OSER1: variants seen among roughly 807,000 people sequenced by gnomAD.
The protein encoded by OSER1 is oxidative stress responsive serine rich 1.
In OSER1, 15 loss-of-function variants were observed where a neutral mutation model predicts 26.3. The ratio of observed to expected loss-of-function variants is 0.57; its 90% CI spans 0.38 to 0.88. The LOEUF (loss-of-function observed/expected upper bound fraction) is 0.88, where lower values mean the gene tolerates loss of function less well. Among genes scored for constraint, OSER1 ranks in the 40% least tolerant of loss-of-function variants. OSER1 has a pLI of 0.00. For missense variants in OSER1, 313 were observed against 353.9 expected, an observed-to-expected ratio of 0.88 and a Z score of 0.93; for synonymous variants, 127 against 128.2, an observed-to-expected ratio of 0.99 and a Z score of 0.07.
At chr20:44,209,032 G>GT (rs1236793210) in intron 1 of OSER1, among the ~76,000 whole-genome samples, 33 of 152,288 alleles carry the variant, frequency 2.2e-4, no homozygotes, top group African/African-American at 7.9e-4. Flanking sequence ...CTCCATTTCC[G>GT]TAAGGACTAG....
At chr20:44,210,053 G>T (rs935194570) in intron 1 of OSER1, 4 of 152,298 alleles carry the variant, frequency 2.6e-5, no homozygotes, top group African/African-American at 9.6e-5. Flanking sequence ...TCGCAGCGCT[G>T]CAGCCAAAGC....
chr20:44,209,266 G>A (rs2073071997), intron 1 of OSER1, among the ~76,000 whole-genome samples: 1 of 152,156 alleles, frequency 6.6e-6, no homozygotes, highest in African/African-American at 2.4e-5. Flanking sequence ...TAAAACTTCA[G>A]GAATGAAGTT....
upstream of OSER1, chr20:44,211,042 G>T (rs1182012961): frequency 6.6e-6 from 1 of 152,398 alleles, no homozygotes; most frequent in African/African-American, 2.4e-5. Context: ...CTCCCGACCC[G>T]CTTTTGGGGC....
At chr20:44,202,778 T>C (rs544176814) in intron 3 of OSER1, among the ~76,000 whole-genome samples, 183 bp downstream of exon 3, 10 of 152,272 alleles carry the variant, frequency 6.6e-5, no homozygotes, top group South Asian at 2.1e-4. Context: ...TTTGTAAAAA[T>C]TGACTATGGA....
rs1424078255 is a variant in OSER1 at position 44,196,846 on chromosome 20, CT to C, written c.*205del. The C allele has an allele frequency of 5.9e-6, 3 of 508,536 alleles. No homozygotes were observed. The highest frequency in any genetic ancestry group is 6.7e-5 in the Admixed American group (2 of 29,882). 31.5% of individuals were successfully genotyped at this position (508,536 alleles called of 1,614,324 possible). ...TAAATAAGGGGGATTTTTCTTTGAT[CT>C]GCTCGCCTTGAAGTGTATGTAAGAA... On this transcript the variant is annotated 3_prime_UTR_variant, in exon 4 of 4. Transcript: ENST00000255174.
At chr20:44,202,473 T>A (rs1297216232) in intron 3 of OSER1, among the ~76,000 whole-genome samples, 1 of 152,080 alleles carries the variant, frequency 6.6e-6, no homozygotes, top group African/African-American at 2.4e-5. Flanking sequence ...ATTAAGAATG[T>A]CACTACATAA....
intron 3 of OSER1, among the ~76,000 whole-genome samples, chr20:44,199,114 AC>A (rs1417767388): frequency 1.3e-5 from 2 of 152,348 alleles, no homozygotes; most frequent in Non-Finnish European, 2.9e-5. Flanking sequence ...GTTTGGGTAT[AC>A]CAAGAAAAGC....
At position 44,197,208 on chromosome 20, in the gene OSER1, C is replaced by G; in HGVS notation, c.723G>C (p.Leu241=). 6.2e-7 allele frequency: 1 copy of G among 1,614,242 alleles called. No homozygotes were observed. The highest frequency in any genetic ancestry group is 8.5e-7 in the Non-Finnish European group (1 of 1,180,028). Residue 241 remains leucine (L), a synonymous_variant, in exon 4 of 4, where the codon CTG becomes CTC. Coordinates refer to ENST00000255174, the MANE Select transcript of OSER1 (RefSeq NM_016470.8). ...RSTLEDYSQS[L]HARTLSGSPR... is the part of the protein sequence containing the mutation. ...GAGAGCCAGACAGAGTTCTGGCGTG[C>G]AGCGACTGAGAGTAGTCCTCAAGTG...
rs1569232975 is a variant in OSER1, at chr20:44,196,305, AAAAAAAAC to A, written c.*739_*746del. ...ATTACAACTGATAACAAAAAAAAAA[AAAAAAAAC>A]CGCCATATATTTAAAATGCTGGAGA... On this transcript the variant is annotated 3_prime_UTR_variant, in exon 4 of 4. Coordinates refer to ENST00000255174, the MANE Select transcript of OSER1 (RefSeq NM_016470.8). Among the ~76,000 whole-genome samples, 197 of 140,032 alleles carry A rather than the reference AAAAAAAAC, an allele frequency of 1.4e-3. 1 individual carries two copies. Among genetic ancestry groups the A allele is most frequent in the African/African-American group, 5.9e-3 (191 of 32,588 alleles). 91.9% of individuals were successfully genotyped at this position (140,032 alleles called of 152,430 possible). A position where few individuals can be genotyped will look rare whatever the true frequency, so the allele number is the denominator to read the frequency against.
At position 44,209,089 on chromosome 20, in the gene OSER1, A is replaced by G. The variant is rs575114395; in HGVS notation, c.-42+1607T>C. ...GAGCTTACAATGTAACACTGTGCTA[A>G]GAGGCTCTGAACCTACATATGTAAC... On this transcript the variant is annotated intron_variant, in intron 1 of 3. Coordinates refer to ENST00000255174, the MANE Select transcript of OSER1 (RefSeq NM_016470.8). 2.0e-5 allele frequency among the ~76,000 whole-genome samples: 3 copies of G among 152,354 alleles called. No individual in the cohort carries two copies. The East Asian group carries it at 5.8e-4, about 29-fold the overall frequency.
chr20:44,206,840 TA>T, intron 2 of OSER1, 40 bp downstream of exon 2: 2 of 841,962 alleles, frequency 2.4e-6, no homozygotes, highest in Non-Finnish European at 4.0e-6. Context: ...TTAAAATAAG[TA>T]AACAAATAAT....
rs1181047869 is a variant in OSER1, at chr20:44,196,829, G to A, written c.*223C>T. The A allele has an allele frequency of 6.3e-6, 3 of 474,038 alleles. No individual in the cohort carries two copies. The highest frequency in any genetic ancestry group is 7.1e-5 in the Admixed American group (2 of 28,274). 29.4% of individuals were successfully genotyped at this position (474,038 alleles called of 1,614,324 possible). On this transcript the variant is annotated 3_prime_UTR_variant, in exon 4 of 4. Transcript: ENST00000255174. Reference sequence around the variant, plus strand: ...TCCCCCAGGAACATTTCTAAATAAGGGGGATTTTTCTTTGATCTGCTCGCC... The same window carrying A: ...TCCCCCAGGAACATTTCTAAATAAGAGGGATTTTTCTTTGATCTGCTCGCC...
chr20:44,210,788 AGCCAAGGG>A (rs982746495), upstream of OSER1: 1 of 152,528 alleles, frequency 6.6e-6, no homozygotes, highest in Admixed American at 6.5e-5. Context: ...GATCCAAACC[AGCCAAGGG>A]GGCGGCCCGC....
chr20:44,199,862 T>C (rs897222418), intron 3 of OSER1, among the ~76,000 whole-genome samples: 7 of 152,206 alleles, frequency 4.6e-5, no homozygotes, highest in African/African-American at 1.4e-4. Flanking sequence ...TTGGAACATA[T>C]CCCCTATGGA....
intron 2 of OSER1, 118 bp downstream of exon 2, chr20:44,206,763 A>G (rs1314434199): frequency 1.7e-6 from 1 of 584,216 alleles, no homozygotes; most frequent in Non-Finnish European, 3.1e-6. Context: ...CACTATTAGC[A>G]TTTATATCTT....
upstream of OSER1, among the ~76,000 whole-genome samples, chr20:44,211,543 A>G (rs975917886): frequency 6.7e-4 from 102 of 151,640 alleles, no homozygotes; most frequent in Non-Finnish European, 3.8e-4. Flanking sequence ...TCAGGCGTAG[A>G]CTCCTTTGAG....
rs116307361 is a variant in OSER1, at chr20:44,197,766, A to T, written c.192-27T>A. 5.6e-4 allele frequency: 838 copies of T among 1,492,332 alleles called. 3 individuals carry two copies. In the African/African-American group the frequency reaches 9.7e-3, roughly 17 times the overall value. The allele number at this position is 1,492,332 out of a possible 1,614,324, so 92.4% of individuals were successfully genotyped here. ...TAAAGAGGAAAAAAAATATACAAGA[A>T]GATGTTGGGATATGGAGCTGTCCTA... is the stretch of plus-strand genomic sequence containing the variant. On this transcript the variant is annotated intron_variant, in intron 3 of 3. Coordinates refer to ENST00000255174, the MANE Select transcript of OSER1 (RefSeq NM_016470.8).
chr20:44,209,437 A>T (rs1196250501), intron 1 of OSER1, among the ~76,000 whole-genome samples: 1 of 152,206 alleles, frequency 6.6e-6, no homozygotes, highest in African/African-American at 2.4e-5. Context: ...GCATCCCCAG[A>T]TCCCCATTCA....
At position 44,202,611 on chromosome 20, in the gene OSER1, G is replaced by A. The variant is rs144210237; in HGVS notation, c.191+350C>T. Among the ~76,000 whole-genome samples the A allele has an allele frequency of 1.7e-4, 26 of 152,220 alleles. No individual in the cohort carries two copies. The East Asian group carries it at 5.0e-3, about 29-fold the overall frequency. On this transcript the variant is annotated intron_variant, in intron 3 of 3. Transcript: ENST00000255174. ...GGAAAATAGACAAATACACTTCCAT[G>A]GGGTAGATTTCAACATACATCTCTA...
Sources: gnomAD v4.1 joint callset for allele counts (sites outside exome capture counted in the v4.1 genomes callset) on GRCh38, gnomAD v4.1.1 for gene constraint, MANE v1.5 for transcripts, NCBI Gene and HGNC (gene_info 2026-07-23, HGNC 2026-07-21) for gene names.